FILIP1L: variants seen among roughly 807,000 people sequenced by gnomAD.
FILIP1L encodes filamin A-interacting protein 1-like.
Under a neutral mutation model 96.6 loss-of-function variants are expected in FILIP1L, and 55 were observed. The observed-to-expected ratio is 0.57, with a 90% CI of 0.46 to 0.71. The LOEUF (loss-of-function observed/expected upper bound fraction) is 0.71, where lower values mean the gene tolerates loss of function less well. Ranked by LOEUF, FILIP1L falls within the 30% of genes least tolerant of loss-of-function variation. The pLI is 0.00. For missense variants in FILIP1L, 1,304 were observed against 1,321.2 expected, an observed-to-expected ratio of 0.99 and a Z score of 0.20; for synonymous variants, 467 against 473.9, an observed-to-expected ratio of 0.99 and a Z score of 0.19.
Position 100,038,693 on chromosome 3 carries a change from C to T in FILIP1L, c.-11+75360G>A, listed in dbSNP as rs150706682. On this transcript the variant is annotated intron_variant, in intron 1 of 5. Transcript: ENST00000477258. ...TTTCTTTCTTTTTAAAGGACACGATCTCAGTCCATGTCCTACATAGTAGCC... is the reference window on the plus strand; with the variant it reads ...TTTCTTTCTTTTTAAAGGACACGATTTCAGTCCATGTCCTACATAGTAGCC... 1.3e-4 allele frequency among the ~76,000 whole-genome samples: 20 copies of T among 152,236 alleles called. No individual in the cohort carries two copies. The East Asian group carries it at 3.7e-3, about 28-fold the overall frequency.
intron 1 of FILIP1L, among the ~76,000 whole-genome samples, chr3:99,975,806 G>A (rs1708952521): frequency 6.6e-6 from 1 of 152,222 alleles, no homozygotes; most frequent in Non-Finnish European, 1.5e-5. Context: ...ATGTTGAGTT[G>A]TAGAAGGAAA....
chr3:99,911,233 G>C (rs1380525235), intron 4 of FILIP1L, among the ~76,000 whole-genome samples: 2 of 151,620 alleles, frequency 1.3e-5, no homozygotes, highest in East Asian at 3.9e-4. Context: ...TCAGGAAGTT[G>C]TACAATAATG....
At chr3:100,028,379 A>G (rs2064965214) in intron 1 of FILIP1L, among the ~76,000 whole-genome samples, 1 of 152,134 alleles carries the variant, frequency 6.6e-6, no homozygotes, top group Non-Finnish European at 1.5e-5. Context: ...CAAGATAAGC[A>G]TTTAGGAGGT....
intron 4 of FILIP1L, among the ~76,000 whole-genome samples, chr3:99,920,205 C>T (rs1236601597): frequency 6.6e-6 from 1 of 151,938 alleles, no homozygotes; most frequent in Non-Finnish European, 1.5e-5. Context: ...GGATAGCATA[C>T]ATAGTTTGTT....
chr3:100,026,719 C>G (rs987278991), intron 1 of FILIP1L, among the ~76,000 whole-genome samples: 2 of 152,124 alleles, frequency 1.3e-5, no homozygotes, highest in African/African-American at 2.4e-5. Flanking sequence ...TCACTTCTTA[C>G]GGATTTCTGT....
At chr3:99,960,157 C>T (rs1166424330) in intron 1 of FILIP1L, among the ~76,000 whole-genome samples, 1 of 152,110 alleles carries the variant, frequency 6.6e-6, no homozygotes, top group East Asian at 1.9e-4. Context: ...TGCCAAGTAC[C>T]GGAGAGAAGT....
At chr3:99,867,732 C>A (rs991338058) in intron 4 of FILIP1L, among the ~76,000 whole-genome samples, 6 of 152,138 alleles carry the variant, frequency 3.9e-5, no homozygotes, top group African/African-American at 1.4e-4. Context: ...GTCCTTTCCT[C>A]CCTTCTTTCC....
chr3:100,095,799 C>T (rs1281405895), intron 1 of FILIP1L, among the ~76,000 whole-genome samples: 2 of 151,982 alleles, frequency 1.3e-5, no homozygotes, highest in Non-Finnish European at 2.9e-5. Flanking sequence ...AAAGCTTCTG[C>T]CCAGCAAAGG....
At position 99,890,728 on chromosome 3, in the gene FILIP1L, G is replaced by GT. The variant is rs375497653; in HGVS notation, c.605+33501dup. Among the ~76,000 whole-genome samples, 203 of 142,676 alleles carry GT rather than the reference G, an allele frequency of 1.4e-3. 1 individual carries two copies. The highest frequency in any genetic ancestry group is 2.4e-3 in the Admixed American group (35 of 14,392). 93.6% of individuals were successfully genotyped at this position (142,676 alleles called of 152,430 possible). A position where few individuals can be genotyped will look rare whatever the true frequency, so the allele number is the denominator to read the frequency against. On this transcript the variant is annotated intron_variant, in intron 4 of 5. Coordinates refer to ENST00000477258, the MANE Select transcript of FILIP1L (RefSeq NM_001387850.1). ...TTTAAACTAGAAATACCAATCCGCT[G>GT]TTTTTTTTTTTCTGACATATTAAGT... is the stretch of plus-strand genomic sequence containing the variant.
chr3:100,090,363 A>G (rs1263702160), intron 1 of FILIP1L, among the ~76,000 whole-genome samples: 1 of 152,248 alleles, frequency 6.6e-6, no homozygotes, highest in African/African-American at 2.4e-5. Flanking sequence ...TGGGAATGCA[A>G]GCATGGGATT....
At chr3:99,976,378 TGTAA>T (rs936203054) in intron 1 of FILIP1L, among the ~76,000 whole-genome samples, 1 of 152,194 alleles carries the variant, frequency 6.6e-6, no homozygotes, top group Non-Finnish European at 1.5e-5. Flanking sequence ...TATTGGATGT[TGTAA>T]GTAAGTTATT....
At chr3:99,980,912 C>T (rs1489595568) in intron 1 of FILIP1L, among the ~76,000 whole-genome samples, 1 of 152,114 alleles carries the variant, frequency 6.6e-6, no homozygotes, top group Non-Finnish European at 1.5e-5. Flanking sequence ...GTACTTGAAA[C>T]CCTTCAATAC....
At chr3:99,875,474 A>G (rs536234035) in intron 4 of FILIP1L, among the ~76,000 whole-genome samples, 4 of 152,326 alleles carry the variant, frequency 2.6e-5, no homozygotes, top group East Asian at 3.9e-4. Flanking sequence ...ACTCAAAACT[A>G]TGATAGTTAC....
chr3:100,109,203 G>T (rs1052175949), intron 1 of FILIP1L, among the ~76,000 whole-genome samples: 6 of 150,972 alleles, frequency 4.0e-5, no homozygotes, highest in Admixed American at 1.3e-4. Flanking sequence ...TTTTTCTTTT[G>T]TGTGTTTTAA....
chr3:99,873,035 T>G (rs2107586679), intron 4 of FILIP1L, among the ~76,000 whole-genome samples: 1 of 152,308 alleles, frequency 6.6e-6, no homozygotes, highest in South Asian at 2.1e-4. Context: ...TACCTCATTT[T>G]AAGTAGAAAA....
At chr3:100,003,552 A>C (rs6440967) in intron 1 of FILIP1L, among the ~76,000 whole-genome samples, 92,768 of 152,056 alleles carry the variant, frequency 0.61, 28,433 homozygotes, top group East Asian at 0.72. Flanking sequence ...TGACTTAGCT[A>C]ATGTGTGTCA....
chr3:100,067,145 C>T (rs541799590), intron 1 of FILIP1L, among the ~76,000 whole-genome samples: 38 of 151,502 alleles, frequency 2.5e-4, no homozygotes, highest in African/African-American at 9.2e-4. Flanking sequence ...AACTCTGAAG[C>T]CCTGGCTATG....
chr3:99,919,303 C>T (rs1057141368), intron 4 of FILIP1L, among the ~76,000 whole-genome samples: 1 of 151,300 alleles, frequency 6.6e-6, no homozygotes, highest in Non-Finnish European at 1.5e-5. Flanking sequence ...CTCATAATGC[C>T]TTAGAAGAAT....
intron 4 of FILIP1L, among the ~76,000 whole-genome samples, chr3:99,905,580 T>G (rs932018135): frequency 6.6e-6 from 1 of 152,238 alleles, no homozygotes; most frequent in African/African-American, 2.4e-5. Flanking sequence ...TGTGCACAAA[T>G]ATTAAGCATA....
Sources: allele counts gnomAD v4.1 joint callset (sites outside exome capture counted in the v4.1 genomes callset), GRCh38; gene constraint gnomAD v4.1.1; transcripts MANE v1.5; gene names NCBI Gene and HGNC (gene_info 2026-07-23, HGNC 2026-07-21).